Variants in KANSL1L observed in about 807,000 individuals in gnomAD.
KANSL1L encodes KAT8 regulatory NSL complex subunit 1-like protein.
In KANSL1L, 25 loss-of-function variants were observed where a neutral mutation model predicts 108.6. The observed-to-expected ratio is 0.23, with a 90% CI of 0.17 to 0.32. The LOEUF is 0.32. Among genes scored for constraint, KANSL1L ranks in the 10% least tolerant of loss-of-function variants. The probability of loss-of-function intolerance (pLI) is 1.00; values close to 1 mark genes in which losing one functional copy is unlikely to be tolerated. For missense variants in KANSL1L, 1,137 were observed against 1,125.7 expected (o/e 1.01, Z -0.14); for synonymous variants, 405 against 395.1 (o/e 1.03, Z -0.30).
intron 7 of KANSL1L, among the ~76,000 whole-genome samples, chr2:210,042,344 G>GA (rs1348963165): frequency 6.6e-6 from 1 of 152,176 alleles, no homozygotes; most frequent in African/African-American, 2.4e-5. Flanking sequence ...ATGTAAGAAG[G>GA]AATGGATATC....
rs377280997 is a variant in KANSL1L at position 210,022,364 on chromosome 2, T to C, written c.*585A>G. The C allele has an allele frequency of 3.3e-5, 5 of 152,694 alleles. No individual in the cohort carries two copies. Among genetic ancestry groups the C allele is most frequent in the African/African-American group, 1.2e-4 (5 of 41,558 alleles). 9.5% of individuals were successfully genotyped at this position (152,694 alleles called of 1,614,324 possible). A position where few individuals can be genotyped will look rare whatever the true frequency, so the allele number is the denominator to read the frequency against. ...TATATTCAGGACGTTCAGATGTCTT[T>C]TATTAGTGGAAACCTGTGTTTTATC... On this transcript the variant is annotated 3_prime_UTR_variant, in exon 15 of 15. Transcript: ENST00000281772.
rs1210815588 is a variant in KANSL1L at position 210,022,128 on chromosome 2, G to A, written c.*821C>T. On this transcript the variant is annotated 3_prime_UTR_variant, in exon 15 of 15. Transcript: ENST00000281772. ...ACTCAAATTGAGTTTTCAAAGATGT[G>A]ATAGTATTAAAGTGCACCAATATTT... 3.3e-5 allele frequency: 5 copies of A among 151,262 alleles called. No homozygotes were observed. The highest frequency in any genetic ancestry group is 1.5e-5 in the Non-Finnish European group (1 of 67,866). The allele number at this position is 151,262 out of a possible 1,614,324, so 9.4% of individuals were successfully genotyped here. A position where few individuals can be genotyped will look rare whatever the true frequency, so the allele number is the denominator to read the frequency against.
intron 3 of KANSL1L, among the ~76,000 whole-genome samples, chr2:210,126,543 G>T (rs567478706): frequency 6.6e-6 from 1 of 152,098 alleles, no homozygotes; most frequent in African/African-American, 2.4e-5. Context: ...AGTTGGGCTC[G>T]GTGGCCCACA....
intron 6 of KANSL1L, among the ~76,000 whole-genome samples, chr2:210,065,934 C>T (rs796419580): frequency 1.1e-4 from 17 of 152,154 alleles, no homozygotes; most frequent in African/African-American, 4.1e-4. Flanking sequence ...AAGCCTGAGC[C>T]TAATGCCATA....
At chr2:210,111,026 C>T (rs115462481) in intron 3 of KANSL1L, among the ~76,000 whole-genome samples, 297 of 152,048 alleles carry the variant, frequency 2.0e-3, no homozygotes, top group Admixed American at 4.0e-3. Flanking sequence ...GCGGGAGGAT[C>T]GCTTGAGCCT....
Position 210,024,057 on chromosome 2 carries a change from A to G in KANSL1L, c.2709T>C (p.Ser903=). The G allele has an allele frequency of 6.3e-7, 1 of 1,581,110 alleles. No homozygotes were observed. The highest frequency in any genetic ancestry group is 2.3e-5 in the East Asian group (1 of 43,372). ...CCTTGGTTTCTTGACTTTGATTTAA[A>G]GAAGGTAAGCCATATGCACACAGAT... ...NQDLCAYGLP[S]LNQSQETKSL... Residue 903 remains serine, a synonymous_variant, in exon 14 of 15, where the codon TCT becomes TCC. Transcript: ENST00000281772.
intron 6 of KANSL1L, among the ~76,000 whole-genome samples, chr2:210,064,568 G>C (rs1451563953): frequency 6.6e-6 from 1 of 151,988 alleles, no homozygotes; most frequent in Non-Finnish European, 1.5e-5. Context: ...CTAGCACTTT[G>C]GAAGGCTAAT....
chr2:210,029,308 AACC>A (rs1394129461), intron 10 of KANSL1L, among the ~76,000 whole-genome samples: 6 of 152,126 alleles, frequency 3.9e-5, no homozygotes, highest in Non-Finnish European at 8.8e-5. Context: ...AATGATCAGT[AACC>A]ACTTTTTATT....
At chr2:210,058,828 C>CCAATCTTTGGTGT (rs2094387026) in intron 6 of KANSL1L, among the ~76,000 whole-genome samples, 1 of 116,526 alleles carries the variant, frequency 8.6e-6, no homozygotes, top group African/African-American at 3.4e-5. Context: ...CAGAGCGAGA[C>CCAATCTTTGGTGT]TCCGTCTCAA....
At chr2:210,084,432 A>T (rs1292013108) in intron 5 of KANSL1L, among the ~76,000 whole-genome samples, 1 of 152,156 alleles carries the variant, frequency 6.6e-6, no homozygotes, top group East Asian at 1.9e-4. Flanking sequence ...TAGAAAGAAA[A>T]ATTAAGATCC....
At chr2:210,067,553 A>C (rs1462659522) in intron 6 of KANSL1L, among the ~76,000 whole-genome samples, 1 of 151,732 alleles carries the variant, frequency 6.6e-6, no homozygotes, top group Non-Finnish European at 1.5e-5. Flanking sequence ...TAAAGGAAAA[A>C]TTGGCCAGGC....
At chr2:210,031,378 T>G (rs2094013959) in intron 9 of KANSL1L, 43 bp downstream of exon 9, 1 of 1,415,096 alleles carries the variant, frequency 7.1e-7, no homozygotes, top group Non-Finnish European at 9.7e-7. Context: ...ATTTTTAATT[T>G]TTAATATTTA....
At chr2:210,037,163 C>T (rs76158388) in intron 8 of KANSL1L, among the ~76,000 whole-genome samples, 1,627 of 152,016 alleles carry the variant, frequency 0.011, 25 homozygotes, top group African/African-American at 0.035. Context: ...CAGTCAATAA[C>T]GTTTTATATT....
chr2:210,086,491 TAA>T (rs57685611), intron 5 of KANSL1L, among the ~76,000 whole-genome samples: 1 of 141,136 alleles, frequency 7.1e-6, no homozygotes, highest in South Asian at 2.2e-4. Context: ...TTAATAAAGC[TAA>T]AAAAAAAAAA....
At position 210,028,844 on chromosome 2, in the gene KANSL1L, C is replaced by T. The variant is rs1395942910; in HGVS notation, c.2396+1G>A. 1.3e-6 allele frequency: 2 copies of T among 1,577,546 alleles called. No individual in the cohort carries two copies. On this transcript the variant is annotated splice_donor_variant, in intron 11 of 14. Coordinates refer to ENST00000281772, the MANE Select transcript of KANSL1L (RefSeq NM_152519.4). LOFTEE classifies it high-confidence loss of function. ...AAATATGAAGATGTAAGTATACATA[C>T]CTTGGAGTAAGTATTTCCTTATATT...
At position 210,127,961 on chromosome 2, in the gene KANSL1L, A is replaced by C. The variant is rs191293505; in HGVS notation, c.1230+1070T>G. ...CAAAAATGGGCAAAGGACTTGAATAAGTACTTCTCCAAAGAAGATATCCAA... is the reference window on the plus strand; with the variant it reads ...CAAAAATGGGCAAAGGACTTGAATACGTACTTCTCCAAAGAAGATATCCAA... On this transcript the variant is annotated intron_variant, in intron 3 of 14. Coordinates refer to ENST00000281772, the MANE Select transcript of KANSL1L (RefSeq NM_152519.4). Among the ~76,000 whole-genome samples the C allele has an allele frequency of 4.0e-3, 602 of 152,156 alleles. 7 individuals are homozygous for C. The highest frequency in any genetic ancestry group is 0.014 in the African/African-American group (575 of 41,558).
intron 8 of KANSL1L, 55 bp from the exon 9 acceptor site, chr2:210,031,601 A>G: frequency 1.7e-6 from 2 of 1,150,258 alleles, no homozygotes; most frequent in Non-Finnish European, 2.4e-6. Context: ...CAGACAGTGA[A>G]CATGTCAATC....
At chr2:210,103,975 T>G (rs952811075) in intron 4 of KANSL1L, 129 bp downstream of exon 4, 2 of 642,918 alleles carry the variant, frequency 3.1e-6, no homozygotes, top group Non-Finnish European at 5.4e-6. Context: ...TAATTGTATT[T>G]AATGCCAGAT....
intron 3 of KANSL1L, among the ~76,000 whole-genome samples, chr2:210,124,142 A>C (rs1329695923): frequency 6.6e-6 from 1 of 152,188 alleles, no homozygotes; most frequent in Non-Finnish European, 1.5e-5. Context: ...TAAACTACAC[A>C]ATAAACCAAC....
Sources: gnomAD v4.1 joint callset for allele counts (sites outside exome capture counted in the v4.1 genomes callset) on GRCh38, gnomAD v4.1.1 for gene constraint, MANE v1.5 for transcripts, NCBI Gene and HGNC (gene_info 2026-07-23, HGNC 2026-07-21) for gene names.